Variants in KCTD1 observed in about 807,000 individuals in gnomAD.
The protein encoded by KCTD1 is potassium channel tetramerization domain containing 1, also known as BTB/POZ domain-containing protein KCTD1.
Under a neutral mutation model 66.0 loss-of-function variants are expected in KCTD1, and 24 were observed. The observed-to-expected ratio is 0.36, with a 90% CI of 0.26 to 0.51. The LOEUF is 0.51. Ranked by LOEUF, KCTD1 falls within the 20% of genes least tolerant of loss-of-function variation. The pLI is 0.95. For missense variants in KCTD1, 943 were observed against 1,205.2 expected, an observed-to-expected ratio of 0.78 and a Z score of 3.22; for synonymous variants, 511 against 517.2, an observed-to-expected ratio of 0.99 and a Z score of 0.16.
chr18:26,459,454 G>GACTT (rs1980283278), intron 4 of KCTD1, 166 bp downstream of exon 4: 2 of 640,122 alleles, frequency 3.1e-6, no homozygotes, highest in Admixed American at 6.6e-5. Context: ...ACAATCACAA[G>GACTT]ACTTACGGAA....
At chr18:26,542,330 A>G (rs1182861580) in intron 1 of KCTD1, among the ~76,000 whole-genome samples, 1 of 152,228 alleles carries the variant, frequency 6.6e-6, no homozygotes, top group Non-Finnish European at 1.5e-5. Context: ...AAATCTTTAA[A>G]AAGGCAACTT....
At chr18:26,610,327 C>G (rs111646455) in intron 1 of KCTD1, among the ~76,000 whole-genome samples, 4,841 of 152,218 alleles carry the variant, frequency 0.032, 250 homozygotes, top group African/African-American at 0.11. Context: ...AATCCCAACA[C>G]TTTGGGAGGC....
upstream of KCTD1, among the ~76,000 whole-genome samples, chr18:26,644,556 C>T (rs1363370301): frequency 6.6e-6 from 1 of 151,892 alleles, no homozygotes; most frequent in Non-Finnish European, 1.5e-5. Flanking sequence ...GTCTGAAGTT[C>T]GAGACCAGCC....
chr18:26,465,465 G>A (rs1980676243), intron 3 of KCTD1, among the ~76,000 whole-genome samples: 1 of 152,160 alleles, frequency 6.6e-6, no homozygotes, highest in East Asian at 1.9e-4. Flanking sequence ...TTCTCACCAG[G>A]CAGTCCCCTC....
chr18:26,592,095 T>C (rs1986621611), intron 1 of KCTD1, among the ~76,000 whole-genome samples: 1 of 152,190 alleles, frequency 6.6e-6, no homozygotes, highest in South Asian at 2.1e-4. Context: ...TGAAAGTCTT[T>C]ACCATGTGTA....
chr18:26,525,229 G>A (rs147100638), intron 1 of KCTD1, among the ~76,000 whole-genome samples: 20 of 152,146 alleles, frequency 1.3e-4, no homozygotes, highest in African/African-American at 4.8e-4. Context: ...TGTGCTAAGA[G>A]GGTGCAGACA....
chr18:26,620,587 C>A (rs1272621591), intron 1 of KCTD1, among the ~76,000 whole-genome samples: 1 of 151,366 alleles, frequency 6.6e-6, no homozygotes, highest in Non-Finnish European at 1.5e-5. Context: ...AGGCATGCAG[C>A]ACCACGCCTG....
At chr18:26,514,527 G>T (rs1300943710) in intron 1 of KCTD1, among the ~76,000 whole-genome samples, 2 of 140,846 alleles carry the variant, frequency 1.4e-5, no homozygotes, top group Non-Finnish European at 3.0e-5. Context: ...CCTAGCCCAG[G>T]CAACAGAGTG....
intron 1 of KCTD1, among the ~76,000 whole-genome samples, chr18:26,511,394 C>G (rs1472181796): frequency 6.6e-6 from 1 of 152,240 alleles, no homozygotes; most frequent in Admixed American, 6.5e-5. Flanking sequence ...TCTGCCCCCT[C>G]TTCCAGATCC....
intron 1 of KCTD1, among the ~76,000 whole-genome samples, chr18:26,654,785 G>T (rs902670396): frequency 6.6e-6 from 1 of 152,148 alleles, no homozygotes; most frequent in Non-Finnish European, 1.5e-5. Context: ...AAGTTTCATG[G>T]TCACCTTTGC....
Position 26,546,644 on chromosome 18 carries a change from C to G in KCTD1, c.1809+84G>C, listed in dbSNP as rs115326493. 1,571 of 1,420,844 alleles carry G rather than the reference C, an allele frequency of 1.1e-3. 22 individuals carry two copies. In the African/African-American group the frequency reaches 0.02, roughly 18 times the overall value. 88.0% of individuals were successfully genotyped at this position (1,420,844 alleles called of 1,614,324 possible). ...ATTACCTACTTTTTAAAACTTCCCC[C>G]CTACCCAGAGCTGCATTAGCACAAA... On this transcript the variant is annotated intron_variant, in intron 1 of 4. Coordinates refer to ENST00000580059, the MANE Select transcript of KCTD1 (RefSeq NM_001142730.3).
intron 1 of KCTD1, among the ~76,000 whole-genome samples, chr18:26,529,155 C>T (rs887154319): frequency 1.5e-4 from 23 of 152,176 alleles, no homozygotes; most frequent in Non-Finnish European, 2.9e-4. Context: ...TTTCCACACA[C>T]AGCACTAGCA....
At chr18:26,541,807 T>C (rs1290942825) in intron 1 of KCTD1, among the ~76,000 whole-genome samples, 1 of 152,160 alleles carries the variant, frequency 6.6e-6, no homozygotes, top group Non-Finnish European at 1.5e-5. Flanking sequence ...CTCGAACAGC[T>C]GAAAAGATCA....
At position 26,571,586 on chromosome 18, in the gene KCTD1, T is replaced by C. The variant is rs562037042; in HGVS notation, c.-16+57561A>G. Among the ~76,000 whole-genome samples the C allele has an allele frequency of 1.1e-4, 17 of 152,302 alleles. No individual in the cohort carries two copies. In the East Asian group the frequency reaches 1.3e-3, roughly 12 times the overall value. ...AATATAAATGCTATGAAAATAGTTG[T>C]ACTGTATTGTTTTTGTGTTATTTTA... On this transcript the variant is annotated intron_variant, in intron 1 of 4. Transcript: ENST00000317932.
chr18:26,630,004 T>C (rs990670176), upstream of KCTD1, among the ~76,000 whole-genome samples: 10 of 152,190 alleles, frequency 6.6e-5, no homozygotes, highest in African/African-American at 2.4e-4. Context: ...CAGTGGTTCC[T>C]GAGGTATAGC....
At chr18:26,650,430 T>C (rs1409284097) in intron 1 of KCTD1, among the ~76,000 whole-genome samples, 2 of 152,224 alleles carry the variant, frequency 1.3e-5, no homozygotes. Context: ...TAACAATATA[T>C]GGATATTTTC....
chr18:26,565,359 T>C (rs140886868), intron 1 of KCTD1, among the ~76,000 whole-genome samples: 1 of 152,344 alleles, frequency 6.6e-6, no homozygotes, highest in African/African-American at 2.4e-5. Context: ...TTACATACCA[T>C]GTTATGGAAA....
intron 3 of KCTD1, chr18:26,460,815 T>C (rs1389672344): frequency 1.3e-5 from 2 of 152,108 alleles, no homozygotes; most frequent in African/African-American, 4.8e-5. Flanking sequence ...CATAAGCCAC[T>C]GAATGGGAAG....
Position 26,455,180 on chromosome 18 carries a change from A to ATGTC in KCTD1, c.*559_*562dup, listed in dbSNP as rs1253483154. 1 of 152,650 alleles carries ATGTC rather than the reference A, an allele frequency of 6.6e-6. No individual in the cohort carries two copies. Among genetic ancestry groups the ATGTC allele is most frequent in the African/African-American group, 2.4e-5 (1 of 41,446 alleles). 9.5% of individuals were successfully genotyped at this position (152,650 alleles called of 1,614,324 possible). A position where few individuals can be genotyped will look rare whatever the true frequency, so the allele number is the denominator to read the frequency against. ...CTGTACAAACTACATTTAAAATTTC[A>ATGTC]TGTCTAACATCTTTGCAATGTGCTC... On this transcript the variant is annotated 3_prime_UTR_variant, in exon 5 of 5. Transcript: ENST00000580059.
Sources: allele counts gnomAD v4.1 joint callset (sites outside exome capture counted in the v4.1 genomes callset), GRCh38; gene constraint gnomAD v4.1.1; transcripts MANE v1.5; gene names NCBI Gene and HGNC (gene_info 2026-07-23, HGNC 2026-07-21).